The following ELK3 variants were observed in gnomAD, a reference collection of about 807,000 sequenced individuals.
ELK3 encodes the protein ETS domain-containing protein Elk-3.
ELK3 carries 10 observed loss-of-function variants against 28.9 expected under a neutral mutation model. The ratio of observed to expected loss-of-function variants is 0.35; its 90% CI spans 0.21 to 0.59. The LOEUF is 0.59. ELK3 is among the 20% of genes least tolerant of loss of function. The pLI is 0.82. For missense variants in ELK3, 463 were observed against 517.3 expected, an observed-to-expected ratio of 0.90 and a Z score of 1.02; for synonymous variants, 272 against 243.5, an observed-to-expected ratio of 1.12 and a Z score of -1.09.
Position 96,195,556 on chromosome 12 carries a change from T to C in ELK3, c.-3+851T>C, listed in dbSNP as rs557558909. Among the ~76,000 whole-genome samples, 58 of 152,308 alleles carry C rather than the reference T, an allele frequency of 3.8e-4. No individual in the cohort carries two copies. In the South Asian group the frequency reaches 7.2e-3, roughly 19 times the overall value. On this transcript the variant is annotated intron_variant, in intron 1 of 4. Coordinates refer to ENST00000228741, the MANE Select transcript of ELK3 (RefSeq NM_005230.4). ...AAAATAAAAGGTCTTGGTTTTGTTATCTTTTCTGAACCGAATCATCCTAGG... is the reference window on the plus strand; with the variant it reads ...AAAATAAAAGGTCTTGGTTTTGTTACCTTTTCTGAACCGAATCATCCTAGG...
At position 96,247,474 on chromosome 12, in the gene ELK3, C is replaced by G; in HGVS notation, c.742C>G (p.Pro248Ala). The change falls in exon 3 of 5, where the codon CCC becomes GCC. Residue 248 changes from proline (P) to alanine (A), a missense_variant. By Grantham distance (27) the Pro-to-Ala change is conservative. This residue lies in a region of ELK3 where 408 missense variants were observed against 414.8 expected (regional missense o/e 0.98). Transcript: ENST00000228741. The surrounding 1 kb of genome is among the most constrained non-coding windows in gnomAD (Gnocchi z 5.5). ...CTCATCTCGGTCCCCGTCCCTGTCC[C>G]CCAACTCACCCCTCCCTTCTGAACA... The part of the protein sequence containing the change: ...PFSSRSPSLS[P>A]NSPLPSEHRS... 1 of 1,614,114 alleles carries G rather than the reference C, an allele frequency of 6.2e-7. No individual in the cohort carries two copies. Among genetic ancestry groups the G allele is most frequent in the Non-Finnish European group, 8.5e-7 (1 of 1,180,022 alleles).
Position 96,218,987 on chromosome 12 carries a change from A to G in ELK3, c.-2-4578A>G, listed in dbSNP as rs540140357. ...CTCATTAGATAAAGGGAATTTTAAA[A>G]AAAAGATTTCTAGCATGCCTTTTAT... On this transcript the variant is annotated intron_variant, in intron 1 of 4. Transcript: ENST00000228741. Among the ~76,000 whole-genome samples the G allele has an allele frequency of 3.9e-5, 6 of 152,306 alleles. No homozygotes were observed. In the South Asian group the frequency reaches 1.2e-3, roughly 32 times the overall value.
Position 96,247,192 on chromosome 12 carries a change from C to A in ELK3, c.460C>A (p.Pro154Thr), listed in dbSNP as rs878882439. ...SSFTINSLQN[P>T]PDAFKAIKTE... ...CTTCACCATTAATTCCCTGCAGAAC[C>A]CACCAGACGCCTTCAAGGCCATCAA... Residue 154 changes from proline (P) to threonine (T), a missense_variant, in exon 3 of 5, where the codon CCA (proline) becomes ACA (threonine). Physicochemically the swap from Pro to Thr is conservative, Grantham distance 38. This residue lies in a region of ELK3 where 408 missense variants were observed against 414.8 expected (regional missense o/e 0.98). Coordinates refer to ENST00000228741, the MANE Select transcript of ELK3 (RefSeq NM_005230.4). This position sits in a 1 kb window ranked among gnomAD's most constrained non-coding sequence, Gnocchi z 5.5. 1.9e-6 allele frequency: 3 copies of A among 1,614,184 alleles called. No homozygotes were observed. The South Asian group carries it at 3.3e-5, about 18-fold the overall frequency.
intron 3 of ELK3, among the ~76,000 whole-genome samples, chr12:96,259,020 T>TAATA (rs1951972757): frequency 6.6e-6 from 1 of 152,190 alleles, no homozygotes; most frequent in African/African-American, 2.4e-5. Context: ...GTAACCCAAG[T>TAATA]AATAGATGTC....
chr12:96,243,738 G>A (rs939193022), intron 2 of ELK3, among the ~76,000 whole-genome samples: 1 of 152,036 alleles, frequency 6.6e-6, no homozygotes, highest in African/African-American at 2.4e-5. Flanking sequence ...CAGCTACTCA[G>A]AGGCTGAGGC....
intron 2 of ELK3, among the ~76,000 whole-genome samples, chr12:96,234,503 A>G (rs1170642293): frequency 6.6e-6 from 1 of 151,956 alleles, no homozygotes; most frequent in Non-Finnish European, 1.5e-5. Flanking sequence ...CCCGCCGTCC[A>G]CCCACGCCTC....
At chr12:96,200,380 TC>T (rs1390973974) in intron 1 of ELK3, among the ~76,000 whole-genome samples, 10 of 151,796 alleles carry the variant, frequency 6.6e-5, no homozygotes, top group African/African-American at 2.4e-4. Flanking sequence ...TTCCCCTCTC[TC>T]TTTTTTTTAA....
intron 1 of ELK3, among the ~76,000 whole-genome samples, chr12:96,218,647 C>CTTTT (rs1951638205): frequency 7.1e-6 from 1 of 139,898 alleles, no homozygotes; most frequent in African/African-American, 2.6e-5. Context: ...GAAAGATAAG[C>CTTTT]ATTTTTTTTT....
chr12:96,256,503 G>A (rs545936789), intron 3 of ELK3, among the ~76,000 whole-genome samples: 1 of 152,238 alleles, frequency 6.6e-6, no homozygotes, highest in South Asian at 2.1e-4. Flanking sequence ...AGCATGGTGG[G>A]GCATCCAAGT....
intron 2 of ELK3, among the ~76,000 whole-genome samples, chr12:96,232,903 G>A (rs1951753670): frequency 6.6e-6 from 1 of 152,216 alleles, no homozygotes; most frequent in African/African-American, 2.4e-5. Flanking sequence ...AGGAAGTAGA[G>A]GCTGCAGTGA....
intron 1 of ELK3, among the ~76,000 whole-genome samples, chr12:96,216,629 CA>C (rs1384449638): frequency 6.6e-6 from 1 of 152,220 alleles, no homozygotes; most frequent in Non-Finnish European, 1.5e-5. Flanking sequence ...GACTCCACAG[CA>C]AGCTCTGTGA....
intron 1 of ELK3, among the ~76,000 whole-genome samples, chr12:96,199,944 C>T (rs1190959553): frequency 5.9e-5 from 9 of 151,984 alleles, no homozygotes. Context: ...CTATTTATGA[C>T]ACATAGTGTC....
At chr12:96,232,352 T>G (rs1951747812) in intron 2 of ELK3, among the ~76,000 whole-genome samples, 1 of 151,620 alleles carries the variant, frequency 6.6e-6, no homozygotes. Flanking sequence ...GGGTGGATCC[T>G]GAGGTCAGGA....
At position 96,202,554 on chromosome 12, in the gene ELK3, T is replaced by G. The variant is rs140387845; in HGVS notation, c.-3+7849T>G. On this transcript the variant is annotated intron_variant, in intron 1 of 4. Coordinates refer to ENST00000228741, the MANE Select transcript of ELK3 (RefSeq NM_005230.4). ...TTTTTTTTTTTTTTGAGAGATGGAG[T>G]CTTAGCCTGTTGCCCAGGCTGGAGT... Among the ~76,000 whole-genome samples, 387 of 125,322 alleles carry G rather than the reference T, an allele frequency of 3.1e-3. 4 individuals are homozygous for G. The highest frequency in any genetic ancestry group is 0.012 in the African/African-American group (368 of 31,878). The allele number at this position is 125,322 out of a possible 152,430, so 82.2% of individuals were successfully genotyped here.
chr12:96,213,136 C>T (rs1412752411), intron 1 of ELK3, among the ~76,000 whole-genome samples: 1 of 152,112 alleles, frequency 6.6e-6, no homozygotes, highest in Non-Finnish European at 1.5e-5. Context: ...GGCATAGAAA[C>T]CTTGTTGAAG....
intron 1 of ELK3, among the ~76,000 whole-genome samples, chr12:96,210,559 G>GCACA (rs199706864): frequency 0.015 from 2,200 of 143,096 alleles, 35 homozygotes; most frequent in African/African-American, 0.027. Context: ...CTGCGCGCGG[G>GCACA]CGCACGCACA....
chr12:96,223,470 A>C, intron 1 of ELK3, 95 bp from the exon 2 acceptor site: 1 of 1,148,242 alleles, frequency 8.7e-7, no homozygotes, highest in Non-Finnish European at 1.3e-6. Context: ...GAAGGAGGGG[A>C]CAGCTGAGTT....
At chr12:96,265,609 G>A (rs1459934557) in intron 4 of ELK3, among the ~76,000 whole-genome samples, 1 of 152,116 alleles carries the variant, frequency 6.6e-6, no homozygotes, top group Admixed American at 6.6e-5. Context: ...TGGCTGGGAG[G>A]TGGAGGTTGC....
intron 2 of ELK3, among the ~76,000 whole-genome samples, chr12:96,235,445 G>A (rs747843415): frequency 2.6e-5 from 4 of 152,104 alleles, no homozygotes; most frequent in East Asian, 3.9e-4. Context: ...CTGCAGAGCC[G>A]AGGGCGTGGC....
Sources: gnomAD v4.1 joint callset for allele counts (sites outside exome capture counted in the v4.1 genomes callset) on GRCh38, gnomAD v4.1.1 for gene constraint, gnomAD v4.1.1 regional missense constraint, Gnocchi (gnomAD v3.1) non-coding constraint, MANE v1.5 for transcripts, NCBI Gene and HGNC (gene_info 2026-07-23, HGNC 2026-07-21) for gene names.